LIG1: variants seen among roughly 807,000 people sequenced by gnomAD.
LIG1 encodes DNA ligase 1, also known as ligase I, DNA, ATP-dependent.
In LIG1, 70 loss-of-function variants were observed where a neutral mutation model predicts 115.7. The ratio of observed to expected loss-of-function variants is 0.60; its 90% CI spans 0.50 to 0.74. LIG1 has a LOEUF of 0.74. LIG1 is among the 30% of genes least tolerant of loss of function. The pLI, the probability that LIG1 is intolerant of heterozygous loss-of-function variation, is 0.00. For synonymous variants in LIG1, 487 were observed against 495.3 expected (o/e 0.98, Z 0.22); for missense variants, 1,115 against 1,225.6 (o/e 0.91, Z 1.35).
intron 9 of LIG1, among the ~76,000 whole-genome samples, chr19:48,145,555 C>T (rs542642259): frequency 1.8e-4 from 26 of 143,968 alleles, no homozygotes; most frequent in Non-Finnish European, 2.5e-4. Flanking sequence ...CTGATGCTCA[C>T]ACAGGGCATG....
chr19:48,127,750 C>T (rs988629183), intron 20 of LIG1, 160 bp downstream of exon 20: 16 of 758,396 alleles, frequency 2.1e-5, no homozygotes, highest in African/African-American at 1.4e-4. Flanking sequence ...GATGAGAATG[C>T]GATGGCTGGA....
At chr19:48,166,959 CAA>C (rs59675364) in intron 1 of LIG1, among the ~76,000 whole-genome samples, 135 of 106,392 alleles carry the variant, frequency 1.3e-3, no homozygotes, top group African/African-American at 3.4e-3. Flanking sequence ...CACTCTGTCT[CAA>C]AAAAAAAAAA....
At chr19:48,128,087 G>A in intron 19 of LIG1, 67 bp from the exon 20 acceptor site, 1 of 1,251,560 alleles carries the variant, frequency 8.0e-7, no homozygotes, top group East Asian at 2.3e-5. Flanking sequence ...GACAAACACG[G>A]GGAGATAAAT....
chr19:48,170,076 C>T, intron 1 of LIG1, 165 bp downstream of exon 1: 1 of 401,054 alleles, frequency 2.5e-6, no homozygotes, highest in South Asian at 1.8e-5. Flanking sequence ...CACTCTCCGG[C>T]GGCCCGCAGC....
chr19:48,151,904 T>C (rs569515649), intron 6 of LIG1, among the ~76,000 whole-genome samples: 1 of 151,958 alleles, frequency 6.6e-6, no homozygotes, highest in Admixed American at 6.6e-5. Context: ...TCTGAAAGGG[T>C]TAAAAATGCA....
intron 18 of LIG1, 144 bp downstream of exon 18, chr19:48,132,838 G>T: frequency 1.4e-6 from 1 of 725,444 alleles, no homozygotes. Context: ...ACTGCATGGA[G>T]GTGGATGCTG....
chr19:48,117,846 G>A, intron 25 of LIG1, 65 bp from the exon 26 acceptor site: 1 of 1,571,928 alleles, frequency 6.4e-7, no homozygotes, highest in African/African-American at 1.3e-5. Context: ...CCAAGTGTTG[G>A]AGGGCTGGGG....
intron 18 of LIG1, among the ~76,000 whole-genome samples, chr19:48,132,172 T>A (rs1208849695): frequency 6.6e-6 from 1 of 151,986 alleles, no homozygotes; most frequent in Non-Finnish European, 1.5e-5. Flanking sequence ...GGGGTCCACT[T>A]CCTGTAACTG....
At chr19:48,131,400 C>G (rs1049504874) in intron 18 of LIG1, among the ~76,000 whole-genome samples, 1 of 152,212 alleles carries the variant, frequency 6.6e-6, no homozygotes, top group Non-Finnish European at 1.5e-5. Context: ...CACCTCTCCC[C>G]ATGTAGGCAC....
intron 21 of LIG1, chr19:48,126,974 G>C (rs1599756571): frequency 2.4e-6 from 1 of 409,600 alleles, no homozygotes; most frequent in Non-Finnish European, 4.6e-6. Context: ...CTAATATCTG[G>C]CTTAACAGAG....
intron 20 of LIG1, 87 bp from the exon 21 acceptor site, chr19:48,127,435 T>G: frequency 8.4e-7 from 1 of 1,188,486 alleles, no homozygotes; most frequent in Non-Finnish European, 1.2e-6. Context: ...TCTACCGGTC[T>G]CCCTCTCGCC....
chr19:48,167,243 T>C (rs757958548), intron 1 of LIG1, among the ~76,000 whole-genome samples: 1 of 151,824 alleles, frequency 6.6e-6, no homozygotes, highest in South Asian at 2.1e-4. Context: ...ATTATAATTA[T>C]TTACATTATA....
At chr19:48,141,919 G>A (rs1351005872) in intron 11 of LIG1, among the ~76,000 whole-genome samples, 1 of 152,198 alleles carries the variant, frequency 6.6e-6, no homozygotes, top group African/African-American at 2.4e-5. Flanking sequence ...ACCTCATTTG[G>A]AAAGAAGGTC....
intron 10 of LIG1, 34 bp downstream of exon 10, chr19:48,143,849 G>T (rs199689863): frequency 6.4e-7 from 1 of 1,566,248 alleles, no homozygotes. Context: ...AACAGGGACC[G>T]GAGGGGGACA....
In LIG1 at chr19:48,126,745, ATTTTTTT is replaced by A. The variant is rs758287154; in HGVS notation, c.2004+525_2004+531del. On this transcript the variant is annotated intron_variant, in intron 21 of 27. Transcript: ENST00000263274. ...CAATATGCTCACCCAAATAATATTA[ATTTTTTT>A]TTTTTTTTTGAATAGACACAAGGTC... Among the ~76,000 whole-genome samples, 10 of 146,002 alleles carry A rather than the reference ATTTTTTT, an allele frequency of 6.8e-5. No homozygotes were observed. In the South Asian group the frequency reaches 2.0e-3, roughly 29 times the overall value.
intron 6 of LIG1, among the ~76,000 whole-genome samples, chr19:48,153,087 C>T (rs752541878): frequency 3.4e-5 from 5 of 149,044 alleles, no homozygotes; most frequent in South Asian, 2.1e-4. Flanking sequence ...CCCAGCTACT[C>T]GGGAAGCTGA....
intron 9 of LIG1, among the ~76,000 whole-genome samples, chr19:48,144,793 C>T (rs1481920552): frequency 6.6e-6 from 1 of 152,096 alleles, no homozygotes; most frequent in East Asian, 1.9e-4. Context: ...CGTGAGCCAC[C>T]GTGCCTGGCC....
rs1599859547 is a variant in LIG1 at position 48,156,109 on chromosome 19, T to C, written c.370+905A>G. 3.3e-5 allele frequency among the ~76,000 whole-genome samples: 5 copies of C among 152,312 alleles called. No homozygotes were observed. The East Asian group carries it at 9.7e-4, about 29-fold the overall frequency. On this transcript the variant is annotated intron_variant, in intron 5 of 27. Coordinates refer to ENST00000263274, the MANE Select transcript of LIG1 (RefSeq NM_000234.3). ...AAGACGCTGTTCCCCAAGCTGGTTT[T>C]CCAGGACCTTCTCACCTCATTGCTC...
chr19:48,127,787 T>A (rs2033767504), intron 20 of LIG1, 123 bp downstream of exon 20: 1 of 850,006 alleles, frequency 1.2e-6, no homozygotes, highest in Non-Finnish European at 2.1e-6. Flanking sequence ...TGCAGAAGGC[T>A]GAGAGAAGTG....
Sources: allele counts gnomAD v4.1 joint callset (sites outside exome capture counted in the v4.1 genomes callset), GRCh38; gene constraint gnomAD v4.1.1; transcripts MANE v1.5; gene names NCBI Gene and HGNC (gene_info 2026-07-23, HGNC 2026-07-21).